The following ASIC2 variants were observed in gnomAD, a reference collection of about 807,000 sequenced individuals.
The protein encoded by ASIC2 is acid-sensing ion channel 2.
ASIC2 carries 25 observed loss-of-function variants against 57.3 expected under a neutral mutation model. The observed-to-expected ratio is 0.44, with a 90% CI of 0.32 to 0.61. The LOEUF (loss-of-function observed/expected upper bound fraction) is 0.61, where lower values mean the gene tolerates loss of function less well. Among genes scored for constraint, ASIC2 ranks in the 20% least tolerant of loss-of-function variants. The probability of loss-of-function intolerance (pLI) is 0.06; values close to 1 mark genes in which losing one functional copy is unlikely to be tolerated. For missense variants in ASIC2, 641 were observed against 738.1 expected (o/e 0.87, Z 1.52); for synonymous variants, 319 against 307.5 (o/e 1.04, Z -0.39).
At chr17:33,451,286 C>A (rs919872439) in intron 1 of ASIC2, among the ~76,000 whole-genome samples, 1 of 152,214 alleles carries the variant, frequency 6.6e-6, no homozygotes, top group South Asian at 2.1e-4. Flanking sequence ...TAACTCCTGA[C>A]CTCAAATGAT....
At chr17:34,040,594 C>G (rs1908095003) in intron 1 of ASIC2, among the ~76,000 whole-genome samples, 1 of 152,176 alleles carries the variant, frequency 6.6e-6, no homozygotes, top group Non-Finnish European at 1.5e-5. Flanking sequence ...CTTGCACAAG[C>G]TAACAGTGCT....
chr17:33,451,777 T>G (rs1912259205), intron 1 of ASIC2, among the ~76,000 whole-genome samples: 1 of 152,188 alleles, frequency 6.6e-6, no homozygotes, highest in Non-Finnish European at 1.5e-5. Flanking sequence ...CTTAGTCTCT[T>G]TCATCAGGAC....
intron 1 of ASIC2, chr17:33,131,773 G>T (rs974478774): frequency 7.9e-5 from 12 of 152,250 alleles, no homozygotes; most frequent in African/African-American, 2.9e-4. Context: ...TCATTTCCCT[G>T]GCCGGCTCAG....
At chr17:33,829,559 G>A (rs1913041227) in intron 1 of ASIC2, among the ~76,000 whole-genome samples, 1 of 151,748 alleles carries the variant, frequency 6.6e-6, no homozygotes, top group South Asian at 2.1e-4. Flanking sequence ...CTCCAAGGCA[G>A]GACATTATGT....
chr17:33,928,746 G>A (rs552338687), intron 1 of ASIC2, among the ~76,000 whole-genome samples: 1 of 152,166 alleles, frequency 6.6e-6, no homozygotes, highest in African/African-American at 2.4e-5. Flanking sequence ...GGGAGTCAGC[G>A]GGTGCCAGCA....
intron 1 of ASIC2, among the ~76,000 whole-genome samples, chr17:33,231,575 T>A (rs933441421): frequency 6.6e-6 from 1 of 152,082 alleles, no homozygotes; most frequent in Non-Finnish European, 1.5e-5. Context: ...CATCCCAGAC[T>A]TGATGGGCCC....
At chr17:33,031,029 T>G (rs2091880925) in intron 3 of ASIC2, among the ~76,000 whole-genome samples, 1 of 152,204 alleles carries the variant, frequency 6.6e-6, no homozygotes, top group Non-Finnish European at 1.5e-5. Flanking sequence ...CTCATAAAAT[T>G]AGTTATCAAG....
chr17:33,698,905 G>A (rs113824848), intron 1 of ASIC2, among the ~76,000 whole-genome samples: 5,068 of 152,124 alleles, frequency 0.033, 257 homozygotes, highest in African/African-American at 0.11. Context: ...GTGAGAAAAC[G>A]CAGATGCCCC....
At chr17:33,761,135 C>T (rs1006068759) in intron 1 of ASIC2, among the ~76,000 whole-genome samples, 1 of 152,206 alleles carries the variant, frequency 6.6e-6, no homozygotes, top group African/African-American at 2.4e-5. Context: ...CTTTTTCTTT[C>T]TCCCTTTCCC....
chr17:33,656,845 G>C (rs368984928), intron 1 of ASIC2, among the ~76,000 whole-genome samples: 1 of 152,142 alleles, frequency 6.6e-6, no homozygotes, highest in Non-Finnish European at 1.5e-5. Flanking sequence ...CAATAACCCC[G>C]AGTGTTGCTG....
intron 1 of ASIC2, among the ~76,000 whole-genome samples, chr17:33,717,615 C>A (rs2142081125): frequency 6.6e-6 from 1 of 152,298 alleles, no homozygotes; most frequent in South Asian, 2.1e-4. Flanking sequence ...CGCCTGGCTT[C>A]CTCTGACAGA....
intron 1 of ASIC2, among the ~76,000 whole-genome samples, chr17:33,430,458 C>G (rs933307516): frequency 6.6e-6 from 1 of 152,158 alleles, no homozygotes; most frequent in African/African-American, 2.4e-5. Context: ...AGGTAAGGGG[C>G]TCCTGGATAC....
intron 1 of ASIC2, among the ~76,000 whole-genome samples, chr17:33,406,047 C>G (rs556818324): frequency 2.0e-5 from 3 of 152,150 alleles, no homozygotes; most frequent in Non-Finnish European, 1.5e-5. Flanking sequence ...CTGGGCCAGG[C>G]TTTGCCCTGG....
intron 1 of ASIC2, among the ~76,000 whole-genome samples, chr17:33,393,015 C>T (rs111935245): frequency 0.017 from 2,558 of 152,160 alleles, 33 homozygotes; most frequent in African/African-American, 0.041. Flanking sequence ...TTCTCTAGCC[C>T]CCATCCCAAG....
At chr17:33,591,479 G>A (rs34013260) in intron 1 of ASIC2, among the ~76,000 whole-genome samples, 24,253 of 152,180 alleles carry the variant, frequency 0.16, 2,482 homozygotes, top group Non-Finnish European at 0.22. Context: ...AAAGCTGTCG[G>A]CAGCCGCCAT....
chr17:33,612,155 G>A (rs1905432094), intron 1 of ASIC2, among the ~76,000 whole-genome samples: 1 of 152,054 alleles, frequency 6.6e-6, no homozygotes, highest in African/African-American at 2.4e-5. Context: ...CACCCACATT[G>A]CAGAGGGCAA....
intron 1 of ASIC2, among the ~76,000 whole-genome samples, chr17:33,448,548 T>G (rs1022082677): frequency 1.3e-5 from 2 of 152,116 alleles, no homozygotes; most frequent in African/African-American, 4.8e-5. Context: ...AGGCAGATAC[T>G]GGAGTGATGT....
intron 1 of ASIC2, chr17:33,541,391 G>C (rs1819275743): frequency 6.6e-6 from 1 of 152,146 alleles, no homozygotes; most frequent in African/African-American, 2.4e-5. Context: ...CAGAGTGATT[G>C]AGTGGCTGAT....
At chr17:34,118,312 T>G (rs1859221) in intron 1 of ASIC2, 149,124 of 152,320 alleles carry the variant, frequency 0.98, 73,094 homozygotes, top group Middle Eastern at 1. Context: ...CACATAATAA[T>G]AATTCATGAA....
Sources: gnomAD v4.1 joint callset for allele counts (sites outside exome capture counted in the v4.1 genomes callset) on GRCh38, gnomAD v4.1.1 for gene constraint, MANE v1.5 for transcripts, NCBI Gene and HGNC (gene_info 2026-07-23, HGNC 2026-07-21) for gene names.